Variants in PDE4D observed in about 807,000 individuals in gnomAD.
The protein encoded by PDE4D is phosphodiesterase 4D.
A neutral mutation model predicts 87.4 loss-of-function variants in PDE4D; 24 were observed. The observed-to-expected ratio is 0.27, with a 90% CI of 0.20 to 0.39. PDE4D has a LOEUF of 0.39. Ranked by LOEUF, PDE4D falls within the 10% of genes least tolerant of loss-of-function variation. The pLI, the probability that PDE4D is intolerant of heterozygous loss-of-function variation, is 1.00. For missense variants in PDE4D, 714 were observed against 1,041.0 expected, an observed-to-expected ratio of 0.69 and a Z score of 4.32; for synonymous variants, 384 against 383.2, an observed-to-expected ratio of 1.00 and a Z score of -0.02.
chr5:60,065,267 TGTC>T (rs1173770824), intron 2 of PDE4D, among the ~76,000 whole-genome samples: 1 of 134,730 alleles, frequency 7.4e-6, no homozygotes, highest in Non-Finnish European at 1.6e-5. Flanking sequence ...CAAGTGTGTG[TGTC>T]GTGTGTGTGT....
intron 5 of PDE4D, among the ~76,000 whole-genome samples, chr5:59,068,984 T>C (rs963554569): frequency 3.3e-4 from 50 of 152,168 alleles, no homozygotes; most frequent in Admixed American, 2.9e-3. Flanking sequence ...GTAAGTAGTT[T>C]ATCAGGCAGA....
chr5:59,855,305 G>C (rs978085946), intron 1 of PDE4D, among the ~76,000 whole-genome samples: 1 of 152,042 alleles, frequency 6.6e-6, no homozygotes, highest in Non-Finnish European at 1.5e-5. Flanking sequence ...TTTTAACAAG[G>C]TTCCATCCTA....
At chr5:59,931,694 C>CTTTTTTTT (rs35943138) in intron 3 of PDE4D, among the ~76,000 whole-genome samples, 16 of 126,576 alleles carry the variant, frequency 1.3e-4, no homozygotes, top group South Asian at 2.5e-4. Context: ...TCTTCTTCTT[C>CTTTTTTTT]TTTTTTTTTT....
intron 1 of PDE4D, among the ~76,000 whole-genome samples, chr5:59,341,913 G>A (rs1247523947): frequency 1.3e-5 from 2 of 152,092 alleles, no homozygotes; most frequent in African/African-American, 4.8e-5. Flanking sequence ...TATGCCAGGC[G>A]CTAGTTTAAC....
At chr5:59,772,817 A>G (rs921218175) in intron 1 of PDE4D, among the ~76,000 whole-genome samples, 2 of 152,210 alleles carry the variant, frequency 1.3e-5, no homozygotes, top group African/African-American at 4.8e-5. Flanking sequence ...TGATAGTGGG[A>G]GAGGTTATGT....
At chr5:59,130,699 T>G (rs960759700) in intron 5 of PDE4D, among the ~76,000 whole-genome samples, 6 of 152,164 alleles carry the variant, frequency 3.9e-5, no homozygotes, top group African/African-American at 1.4e-4. Context: ...ATCTTGGTGA[T>G]TTAGCCCTGA....
intron 1 of PDE4D, among the ~76,000 whole-genome samples, chr5:59,667,617 C>T (rs73758839): frequency 0.072 from 10,941 of 152,114 alleles, 1,220 homozygotes; most frequent in African/African-American, 0.24. Flanking sequence ...CATTCAGACC[C>T]GAACCTGAGA....
At chr5:59,721,732 G>A (rs954801762) in intron 1 of PDE4D, among the ~76,000 whole-genome samples, 1 of 152,070 alleles carries the variant, frequency 6.6e-6, no homozygotes, top group Non-Finnish European at 1.5e-5. Context: ...GAAATAATTA[G>A]GTCAGAGTCC....
intron 2 of PDE4D, among the ~76,000 whole-genome samples, chr5:60,012,855 G>A (rs182698544): frequency 1.3e-5 from 2 of 152,278 alleles, no homozygotes; most frequent in East Asian, 3.9e-4. Context: ...TGCTGCCATC[G>A]TATTCTAACC....
intron 9 of PDE4D, 112 bp downstream of exon 9, chr5:58,990,692 A>G (rs926940874): frequency 1.2e-4 from 77 of 626,552 alleles, no homozygotes; most frequent in Admixed American, 4.4e-4. Flanking sequence ...ATAAAAGTAT[A>G]AAAATAAGCA....
In PDE4D at chr5:59,961,418, G is replaced by C. The variant is rs191457073; in HGVS notation, c.272+27070C>G. On this transcript the variant is annotated intron_variant, in intron 3 of 16. Coordinates refer to the PDE4D transcript ENST00000502484. The stretch of plus-strand genomic sequence containing the variant: ...ACTGGCGGCTATGAAAGGCATGCAA[G>C]CAATCATCCCCCAGAGCCTCCAGAG... 2.3e-3 allele frequency among the ~76,000 whole-genome samples: 349 copies of C among 152,062 alleles called. 1 individual carries two copies. Among genetic ancestry groups the C allele is most frequent in the Non-Finnish European group, 3.7e-3 (249 of 67,978 alleles).
chr5:60,077,407 G>T (rs953677793), intron 2 of PDE4D, among the ~76,000 whole-genome samples: 1 of 152,184 alleles, frequency 6.6e-6, no homozygotes, highest in Non-Finnish European at 1.5e-5. Context: ...CAACAAGCAT[G>T]CTGGTGTCTG....
intron 1 of PDE4D, among the ~76,000 whole-genome samples, chr5:59,720,007 A>G (rs1374092059): frequency 1.3e-5 from 2 of 152,170 alleles, no homozygotes; most frequent in African/African-American, 4.8e-5. Flanking sequence ...ATACCAAATC[A>G]GTGGTATTCT....
At chr5:60,222,244 G>A (rs1446440840) in intron 1 of PDE4D, among the ~76,000 whole-genome samples, 1 of 152,038 alleles carries the variant, frequency 6.6e-6, no homozygotes, top group East Asian at 1.9e-4. Context: ...AAGGAACTGA[G>A]GTCTCTGGCC....
rs556519432 is a variant in PDE4D at position 59,901,383 on chromosome 5, A to G, written c.272+87105T>C. On this transcript the variant is annotated intron_variant, in intron 3 of 16. Transcript: ENST00000502484. ...CCACTGAAATTATTAGAATAGTATT[A>G]TAGTATTCATGCAAGGAAGGATTTT... Among the ~76,000 whole-genome samples, 4 of 152,324 alleles carry G rather than the reference A, an allele frequency of 2.6e-5. No homozygotes were observed. The South Asian group carries it at 8.3e-4, about 32-fold the overall frequency.
intron 3 of PDE4D, among the ~76,000 whole-genome samples, chr5:59,906,617 C>G (rs1032806033): frequency 3.3e-5 from 5 of 152,072 alleles, no homozygotes; most frequent in African/African-American, 1.2e-4. Flanking sequence ...CTAAACGAAT[C>G]TTTATAAAAA....
intron 1 of PDE4D, among the ~76,000 whole-genome samples, chr5:60,341,446 C>T (rs900658474): frequency 6.6e-6 from 1 of 152,024 alleles, no homozygotes; most frequent in South Asian, 2.1e-4. Context: ...GAGCAGGTTA[C>T]AGTGGTCAGT....
chr5:59,557,163 G>T (rs1819085328), intron 1 of PDE4D, among the ~76,000 whole-genome samples: 1 of 152,094 alleles, frequency 6.6e-6, no homozygotes. Context: ...GTAAACATAT[G>T]CCATAAGGAT....
At chr5:59,275,765 T>C (rs1173974504) in intron 1 of PDE4D, 6 of 1,000,554 alleles carry the variant, frequency 6.0e-6, no homozygotes, top group East Asian at 1.0e-4. Context: ...TGCAATTCCA[T>C]AGTAACAGCT....
Sources: gnomAD v4.1 joint callset for allele counts (sites outside exome capture counted in the v4.1 genomes callset) on GRCh38, gnomAD v4.1.1 for gene constraint, MANE v1.5 for transcripts, NCBI Gene and HGNC (gene_info 2026-07-23, HGNC 2026-07-21) for gene names.